Variants in TTBK1 observed in about 807,000 individuals in gnomAD.
TTBK1 encodes the protein tau tubulin kinase 1.
Under a neutral mutation model 108.5 loss-of-function variants are expected in TTBK1, and 34 were observed. That is an observed-to-expected ratio of 0.31 (90% confidence interval 0.24 to 0.42). TTBK1 has a LOEUF of 0.42. Ranked by LOEUF, TTBK1 falls within the 10% of genes least tolerant of loss-of-function variation. TTBK1 has a pLI of 1.00. For synonymous variants in TTBK1, 809 were observed against 795.1 expected (o/e 1.02, Z -0.29); for missense variants, 1,539 against 1,826.0 (o/e 0.84, Z 2.86).
At chr6:43,272,713 TTCATGTGAAGCTCGGCAGAGCTTCACA>T (rs1777866201) in intron 13 of TTBK1, 1 of 983,674 alleles carries the variant, frequency 1.0e-6, no homozygotes, top group Non-Finnish European at 1.2e-6. Flanking sequence ...TTGGATTAAG[TTCATGTGAAGCTCGGCAGAGCTTCACA>T]TGGTTTGGGT....
rs761406167 is a variant in TTBK1 at position 43,259,117 on chromosome 6, G to A, written c.1096G>A (p.Asp366Asn). The stretch of plus-strand genomic sequence containing the variant: ...TGTGCTACAGGGAGAGCACCTGAGT[G>A]ACCAGGAGAATGCACCCCCAATTCT... The part of the protein sequence containing the change: ...EDVLQGEHLS[D>N]QENAPPILPG... The change falls in exon 11 of 15, where the codon GAC becomes AAC. Residue 366 changes from aspartate (D) to asparagine (N), a missense_variant. Physicochemically the swap from Asp to Asn is conservative, Grantham distance 23. Transcript: ENST00000259750. The surrounding 1 kb of genome is among the most constrained non-coding windows in gnomAD (Gnocchi z 6.7). The A allele has an allele frequency of 6.2e-7, 1 of 1,614,128 alleles. No individual in the cohort carries two copies. Among genetic ancestry groups the A allele is most frequent in the East Asian group, 2.2e-5 (1 of 44,880 alleles).
At chr6:43,254,870 C>A (rs1777342884) in intron 6 of TTBK1, among the ~76,000 whole-genome samples, 179 bp from the exon 7 acceptor site, 2 of 152,020 alleles carry the variant, frequency 1.3e-5, no homozygotes, top group Admixed American at 6.6e-5. Flanking sequence ...ATTTTCCTCC[C>A]CACTCTGGGC....
chr6:43,270,878 G>T (rs539430609), intron 13 of TTBK1: 1 of 985,514 alleles, frequency 1.0e-6, no homozygotes, highest in African/African-American at 1.7e-5. Context: ...TCCCAGGCGG[G>T]AGCAGCCCCA....
Position 43,263,365 on chromosome 6 carries a change from G to C in TTBK1, c.1986+15G>C, listed in dbSNP as rs774040914. On this transcript the variant is annotated intron_variant, in intron 13 of 14. Transcript: ENST00000259750. The surrounding 1 kb of genome is among the most constrained non-coding windows in gnomAD (Gnocchi z 4.7). ...CACAGAGACAGGTAAGGTTGGGCTT[G>C]CACCCCACTCCCCATCTCCAGATGC... is the stretch of plus-strand genomic sequence containing the variant. 4 of 1,451,264 alleles carry C rather than the reference G, an allele frequency of 2.8e-6. No individual in the cohort carries two copies. The highest frequency in any genetic ancestry group is 5.7e-5 in the Admixed American group (2 of 35,394). 89.9% of individuals were successfully genotyped at this position (1,451,264 alleles called of 1,614,324 possible). A position where few individuals can be genotyped will look rare whatever the true frequency, so the allele number is the denominator to read the frequency against.
At position 43,254,541 on chromosome 6, in the gene TTBK1, C is replaced by A; in HGVS notation, c.472-6C>A. 6.4e-7 allele frequency: 1 copy of A among 1,568,772 alleles called. No individual in the cohort carries two copies. The highest frequency in any genetic ancestry group is 1.2e-5 in the South Asian group (1 of 83,742). On this transcript the variant is annotated splice_polypyrimidine_tract_variant and splice_region_variant and intron_variant, in intron 5 of 14. Transcript: ENST00000259750. Reference sequence around the variant, plus strand: ...CCCCAGAGCTCACAGCTGCTGTCTCCCCCAGTCAAACTTTGCCATGGGCAG... The same window carrying A: ...CCCCAGAGCTCACAGCTGCTGTCTCACCCAGTCAAACTTTGCCATGGGCAG...
intron 14 of TTBK1, 85 bp downstream of exon 14, chr6:43,284,397 G>A (rs1463512624): frequency 6.9e-7 from 1 of 1,449,920 alleles, no homozygotes; most frequent in Non-Finnish European, 9.0e-7. Flanking sequence ...CCAAGGTCAG[G>A]GGCTATGGAA....
At chr6:43,274,871 A>T (rs1388256659) in intron 13 of TTBK1, among the ~76,000 whole-genome samples, 1 of 151,948 alleles carries the variant, frequency 6.6e-6, no homozygotes, top group Non-Finnish European at 1.5e-5. Context: ...GCTTCCTCCA[A>T]ATGAGGGGTG....
chr6:43,260,482 G>A (rs982785797), intron 12 of TTBK1, among the ~76,000 whole-genome samples: 1 of 152,198 alleles, frequency 6.6e-6, no homozygotes, highest in Non-Finnish European at 1.5e-5. Context: ...GATAGGAGGG[G>A]TATCCTTTCT....
At position 43,262,821 on chromosome 6, in the gene TTBK1, G is replaced by A. The variant is rs776897780; in HGVS notation, c.1457G>A (p.Arg486His). Residue 486 changes from arginine to histidine, a missense_variant, in exon 13 of 15, where the codon CGC (arginine) becomes CAC (histidine). This residue lies in a region of TTBK1 where 277 missense variants were observed against 332.4 expected (regional missense o/e 0.83). Coordinates refer to ENST00000259750, the MANE Select transcript of TTBK1 (RefSeq NM_032538.3). The part of the protein sequence containing the change: ...SRMDLPGSPS[R>H]QACSSQPAQM... ...ATGGATCTGCCTGGCTCGCCCTCGC[G>A]CCAGGCCTGCTCCTCTCAGCCAGCC... 3.8e-6 allele frequency: 6 copies of A among 1,590,538 alleles called. No individual in the cohort carries two copies. Among genetic ancestry groups the A allele is most frequent in the Admixed American group, 1.7e-5 (1 of 58,916 alleles).
intron 14 of TTBK1, 96 bp from the exon 15 acceptor site, chr6:43,284,887 G>A (rs902413285): frequency 3.9e-5 from 55 of 1,399,258 alleles, no homozygotes; most frequent in Non-Finnish European, 4.8e-5. Flanking sequence ...GAGGATGCCG[G>A]ACTCCAGTGC....
Position 43,285,226 on chromosome 6 carries a change from GC to G in TTBK1, c.3820del (p.Arg1274GlyfsTer109). ...SHQARPGVPP[P>X]RGVPPARAQP... is the part of the protein sequence containing the mutation. ...ACCAGGCCCGGCCCGGGGTCCCCCC[GC>G]CCCGGGGCGTCCCGCCGGCCCGGGC... is the stretch of plus-strand genomic sequence containing the variant. On this transcript the variant is annotated frameshift_variant, in exon 15 of 15. Coordinates refer to ENST00000259750, the MANE Select transcript of TTBK1 (RefSeq NM_032538.3). LOFTEE classifies it high-confidence loss of function. This position sits in a 1 kb window ranked among gnomAD's most constrained non-coding sequence, Gnocchi z 4.7. 3 of 1,299,562 alleles carry G rather than the reference GC, an allele frequency of 2.3e-6. No individual in the cohort carries two copies. Among genetic ancestry groups the G allele is most frequent in the Non-Finnish European group, 2.9e-6 (3 of 1,026,824 alleles). The allele number at this position is 1,299,562 out of a possible 1,614,324, so 80.5% of individuals were successfully genotyped here. A position where few individuals can be genotyped will look rare whatever the true frequency, so the allele number is the denominator to read the frequency against.
intron 13 of TTBK1, chr6:43,272,731 G>T (rs1185908743): frequency 1.0e-6 from 1 of 965,340 alleles, no homozygotes; most frequent in Non-Finnish European, 1.2e-6. Flanking sequence ...AAGCTCGGCA[G>T]AGCTTCACAT....
chr6:43,252,463 T>C (rs1777269863), intron 2 of TTBK1, among the ~76,000 whole-genome samples: 1 of 151,852 alleles, frequency 6.6e-6, no homozygotes, highest in Non-Finnish European at 1.5e-5. Flanking sequence ...CTGTCTCTAC[T>C]AAAAATACAA....
At chr6:43,262,743 G>A (rs1777574600) in intron 12 of TTBK1, 46 bp from the exon 13 acceptor site, 1 of 1,477,066 alleles carries the variant, frequency 6.8e-7, no homozygotes. Context: ...GTCCTTGGGG[G>A]TCCAGTGGGG....
Position 43,246,746 on chromosome 6 carries a change from T to C in TTBK1, c.86T>C (p.Val29Ala). 1 of 1,611,176 alleles carries C rather than the reference T, an allele frequency of 6.2e-7. No homozygotes were observed. Among genetic ancestry groups the C allele is most frequent in the Non-Finnish European group, 8.5e-7 (1 of 1,178,798 alleles). Residue 29 changes from valine (V) to alanine (A), a missense_variant, in exon 2 of 15, where the codon GTG (valine) becomes GCG (alanine). By Grantham distance (64) the Val-to-Ala change is moderately conservative (BLOSUM62 0). This residue lies in a region of TTBK1 where 45 missense variants were observed against 38.0 expected (regional missense o/e 1.19). Transcript: ENST00000259750. ...GCCGACATCCTGCCGGCCAACTACG[T>C]GGTCAAGGATCGCTGGAAGGTGGTG... ...EQADILPANY[V>A]VKDRWKVLKK...
intron 13 of TTBK1, among the ~76,000 whole-genome samples, chr6:43,278,123 G>A (rs2651192): frequency 0.48 from 73,504 of 151,946 alleles, 20,811 homozygotes; most frequent in African/African-American, 0.8. Context: ...CTGTGTGGGG[G>A]TTAAGGGTGG....
rs1314499256 is a variant in TTBK1 at position 43,285,244 on chromosome 6, G to A, written c.3834G>A (p.Pro1278=). 18 of 1,300,680 alleles carry A rather than the reference G, an allele frequency of 1.4e-5. No individual in the cohort carries two copies. The South Asian group carries it at 3.7e-4, about 27-fold the overall frequency. The allele number at this position is 1,300,680 out of a possible 1,614,324, so 80.6% of individuals were successfully genotyped here. A position where few individuals can be genotyped will look rare whatever the true frequency, so the allele number is the denominator to read the frequency against. Residue 1278 remains proline, a synonymous_variant, in exon 15 of 15, where the codon CCG becomes CCA. Coordinates refer to ENST00000259750, the MANE Select transcript of TTBK1 (RefSeq NM_032538.3). The surrounding 1 kb of genome is among the most constrained non-coding windows in gnomAD (Gnocchi z 4.7). The part of the protein sequence containing the change: ...PGVPPPRGVP[P]ARAQPDGTPS... ...TCCCCCCGCCCCGGGGCGTCCCGCC[G>A]GCCCGGGCCCAGCCTGATGGCACCC...
At chr6:43,250,638 C>G (rs1015504888) in intron 2 of TTBK1, among the ~76,000 whole-genome samples, 6 of 152,122 alleles carry the variant, frequency 3.9e-5, no homozygotes, top group African/African-American at 1.4e-4. Context: ...AGATTACAGG[C>G]GGGAGCCACC....
At chr6:43,267,027 G>A (rs1397602904) in intron 13 of TTBK1, among the ~76,000 whole-genome samples, 1 of 151,138 alleles carries the variant, frequency 6.6e-6, no homozygotes, top group Non-Finnish European at 1.5e-5. Context: ...GTGTGTGTGT[G>A]TGTGTGTGTG....
Sources: allele counts gnomAD v4.1 joint callset (sites outside exome capture counted in the v4.1 genomes callset), GRCh38; gene constraint gnomAD v4.1.1; regional missense constraint gnomAD v4.1.1; non-coding constraint Gnocchi (gnomAD v3.1); transcripts MANE v1.5; gene names NCBI Gene and HGNC (gene_info 2026-07-23, HGNC 2026-07-21).